Variants in YES1 observed in about 807,000 individuals in gnomAD.
YES1 encodes the protein YES proto-oncogene 1, Src family tyrosine kinase.
YES1 carries 39 observed loss-of-function variants against 70.4 expected under a neutral mutation model. The observed-to-expected ratio is 0.55, with a 90% confidence interval of 0.43 to 0.72. The LOEUF (loss-of-function observed/expected upper bound fraction) is 0.72. YES1 is among the 30% of genes least tolerant of loss of function. The pLI is 0.00. For missense variants in YES1, 495 were observed against 644.8 expected (o/e 0.77, Z 2.52); for synonymous variants, 198 against 218.6 (o/e 0.91, Z 0.83).
chr18:778,758 C>T (rs1255707209), intron 1 of YES1, among the ~76,000 whole-genome samples: 1 of 152,026 alleles, frequency 6.6e-6, no homozygotes, highest in Non-Finnish European at 1.5e-5. Flanking sequence ...TTTATAAATC[C>T]CCTCCCTTAA....
intron 1 of YES1, among the ~76,000 whole-genome samples, chr18:809,500 C>T (rs1907264628): frequency 6.6e-6 from 1 of 152,066 alleles, no homozygotes. Context: ...GGGGTTTCAC[C>T]ACGTTGGCCA....
intron 1 of YES1, among the ~76,000 whole-genome samples, chr18:762,234 C>G (rs769639923): frequency 6.6e-6 from 1 of 152,164 alleles, no homozygotes; most frequent in Admixed American, 6.5e-5. Context: ...GCAGGAGAAT[C>G]GCTTGAACCC....
intron 1 of YES1, among the ~76,000 whole-genome samples, chr18:769,243 T>A (rs530168097): frequency 6.6e-6 from 1 of 152,342 alleles, no homozygotes; most frequent in South Asian, 2.1e-4. Context: ...TAAAGTGACG[T>A]GCGACCGTAA....
chr18:761,877 T>C (rs1216054558), intron 1 of YES1, among the ~76,000 whole-genome samples: 1 of 152,234 alleles, frequency 6.6e-6, no homozygotes, highest in East Asian at 1.9e-4. Flanking sequence ...CTGATTTTTA[T>C]GGGTTGTCTT....
chr18:801,860 T>G (rs564788389), intron 1 of YES1, among the ~76,000 whole-genome samples: 1 of 152,318 alleles, frequency 6.6e-6, no homozygotes, highest in East Asian at 1.9e-4. Context: ...AGAAACTTGA[T>G]TGGGAAAACA....
intron 1 of YES1, among the ~76,000 whole-genome samples, chr18:779,340 G>C (rs1905538413): frequency 6.6e-6 from 1 of 151,280 alleles, no homozygotes; most frequent in Admixed American, 6.6e-5. Flanking sequence ...GGAGGTCAAG[G>C]CTGCGGTAAG....
intron 1 of YES1, among the ~76,000 whole-genome samples, chr18:757,178 T>C (rs1479866697): frequency 1.3e-5 from 2 of 152,278 alleles, no homozygotes; most frequent in Non-Finnish European, 2.9e-5. Context: ...GATTTCAGGG[T>C]ATGTTGCTTA....
At chr18:756,937 G>T in intron 1 of YES1, 102 bp from the exon 2 acceptor site, 1 of 1,140,070 alleles carries the variant, frequency 8.8e-7, no homozygotes, top group Non-Finnish European at 1.2e-6. Context: ...TGCCATCCCT[G>T]CAAAAAGGAA....
chr18:779,403 C>CAAA (rs35003724), intron 1 of YES1, among the ~76,000 whole-genome samples: 3 of 63,076 alleles, frequency 4.8e-5, no homozygotes, highest in African/African-American at 6.4e-5. Flanking sequence ...GACCCTGTCT[C>CAAA]AAAAAAAAAA....
chr18:784,005 A>G (rs552635058), intron 1 of YES1, among the ~76,000 whole-genome samples: 2 of 152,340 alleles, frequency 1.3e-5, no homozygotes, highest in Non-Finnish European at 2.9e-5. Context: ...CCATTTCCTT[A>G]CATTAAGCAA....
At chr18:738,189 G>A (rs1449243052) in intron 9 of YES1, 1 of 152,042 alleles carries the variant, frequency 6.6e-6, no homozygotes, top group Admixed American at 6.6e-5. Context: ...GTCAGATTCT[G>A]TGGACATTTG....
intron 9 of YES1, chr18:738,546 T>TGGG (rs1568188571): frequency 6.6e-6 from 1 of 151,128 alleles, no homozygotes; most frequent in Non-Finnish European, 1.5e-5. Flanking sequence ...AAAGATTGGC[T>TGGG]GGGGGTGGTG....
intron 1 of YES1, among the ~76,000 whole-genome samples, chr18:785,125 G>A (rs952601952): frequency 6.6e-6 from 1 of 151,352 alleles, no homozygotes; most frequent in African/African-American, 2.4e-5. Flanking sequence ...ATCTGTGGTG[G>A]CGGATATCAC....
chr18:746,838 T>A (rs1189709085), intron 4 of YES1, among the ~76,000 whole-genome samples: 2 of 152,204 alleles, frequency 1.3e-5, no homozygotes, highest in African/African-American at 4.8e-5. Flanking sequence ...CAATAAACCC[T>A]ACAACTAGGT....
intron 11 of YES1, among the ~76,000 whole-genome samples, chr18:732,152 T>C (rs2080097867): frequency 6.7e-6 from 1 of 149,942 alleles, no homozygotes; most frequent in African/African-American, 2.4e-5. Context: ...TAAAAAAATA[T>C]ACCATGATGG....
intron 1 of YES1, among the ~76,000 whole-genome samples, chr18:794,731 T>C (rs1157835519): frequency 1.3e-5 from 2 of 152,220 alleles, no homozygotes; most frequent in Non-Finnish European, 2.9e-5. Flanking sequence ...GCTCCTGGCT[T>C]ACAGGTGCAT....
In YES1 at chr18:756,610, C is replaced by T. The variant is rs751198391; in HGVS notation, c.218G>A (p.Gly73Asp). 1.3e-5 allele frequency: 21 copies of T among 1,613,948 alleles called. No homozygotes were observed. The East Asian group carries it at 3.3e-4, about 26-fold the overall frequency. ...CACCACTGAAAATGAGGAAGATGCA[C>T]CTCCAAAAGGCGTTACCCCTGAGGA... ...GGSSGVTPFG[G>D]ASSSFSVVPS... is the part of the protein sequence containing the mutation. Residue 73 changes from glycine to aspartate, a missense_variant, in exon 2 of 12, where the codon GGT (glycine) becomes GAT (aspartate). Gly to Asp is a moderately conservative substitution (Grantham distance 94). Transcript: ENST00000314574.
At chr18:782,476 G>C (rs1202746260) in intron 1 of YES1, among the ~76,000 whole-genome samples, 1 of 152,036 alleles carries the variant, frequency 6.6e-6, no homozygotes, top group African/African-American at 2.4e-5. Context: ...AGACAGTCTG[G>C]GCAATCAAAA....
At chr18:731,513 T>A (rs2080086930) in intron 11 of YES1, among the ~76,000 whole-genome samples, 1 of 152,186 alleles carries the variant, frequency 6.6e-6, no homozygotes, top group African/African-American at 2.4e-5. Context: ...CCCATAAGAT[T>A]AGCAAAACAG....
Sources: gnomAD v4.1 joint callset for allele counts (sites outside exome capture counted in the v4.1 genomes callset) on GRCh38, gnomAD v4.1.1 for gene constraint, MANE v1.5 for transcripts, NCBI Gene and HGNC (gene_info 2026-07-23, HGNC 2026-07-21) for gene names.